RSPO2: variants seen among roughly 807,000 people sequenced by gnomAD.
RSPO2 encodes the protein R-spondin 2.
Under a neutral mutation model 30.9 loss-of-function variants are expected in RSPO2, and 14 were observed. The ratio of observed to expected loss-of-function variants is 0.45; its 90% CI spans 0.30 to 0.71. RSPO2 has a LOEUF of 0.71. Among genes scored for constraint, RSPO2 ranks in the 30% least tolerant of loss-of-function variants. RSPO2 has a pLI of 0.08. For synonymous variants in RSPO2, 107 were observed against 96.4 expected (o/e 1.11, Z -0.64); for missense variants, 264 against 301.9 (o/e 0.87, Z 0.93).
At chr8:107,949,118 A>T (rs673355) in intron 5 of RSPO2, among the ~76,000 whole-genome samples, 1 of 151,634 alleles carries the variant, frequency 6.6e-6, no homozygotes, top group East Asian at 2.0e-4. Flanking sequence ...CTGTCACCCA[A>T]GAAGTGTACA....
chr8:108,042,011 A>G (rs1047000326), intron 2 of RSPO2, among the ~76,000 whole-genome samples: 20 of 152,214 alleles, frequency 1.3e-4, no homozygotes, highest in African/African-American at 4.6e-4. Context: ...AAGGACCTGT[A>G]GTTACAACAA....
At chr8:108,047,473 G>A (rs776167223) in intron 2 of RSPO2, among the ~76,000 whole-genome samples, 1 of 152,100 alleles carries the variant, frequency 6.6e-6, no homozygotes, top group African/African-American at 2.4e-5. Flanking sequence ...CAAAATTAAA[G>A]TTGTAGAAAG....
At chr8:108,047,480 A>G (rs1338002474) in intron 2 of RSPO2, among the ~76,000 whole-genome samples, 1 of 152,162 alleles carries the variant, frequency 6.6e-6, no homozygotes, top group African/African-American at 2.4e-5. Flanking sequence ...AAAGTTGTAG[A>G]AAGAGATGCT....
At chr8:107,916,519 A>G (rs899037664) in intron 5 of RSPO2, among the ~76,000 whole-genome samples, 11 of 152,228 alleles carry the variant, frequency 7.2e-5, no homozygotes, top group African/African-American at 2.7e-4. Context: ...AGTTTTACAT[A>G]CAAAGTGCAT....
intron 2 of RSPO2, among the ~76,000 whole-genome samples, chr8:108,054,146 T>A (rs921735948): frequency 6.6e-6 from 1 of 152,144 alleles, no homozygotes; most frequent in Non-Finnish European, 1.5e-5. Flanking sequence ...CCCTTTTGGA[T>A]CTTATGTTCA....
intron 5 of RSPO2, among the ~76,000 whole-genome samples, chr8:107,938,008 A>G (rs753031090): frequency 3.2e-4 from 48 of 152,230 alleles, no homozygotes; most frequent in Non-Finnish European, 6.3e-4. Flanking sequence ...ATATCCTTGA[A>G]ATGAAATTGC....
intron 2 of RSPO2, among the ~76,000 whole-genome samples, chr8:108,044,075 C>T (rs1811837187): frequency 6.6e-6 from 1 of 151,174 alleles, no homozygotes; most frequent in African/African-American, 2.4e-5. Context: ...CCATGAAAAG[C>T]TTATTAGGTC....
intron 5 of RSPO2, among the ~76,000 whole-genome samples, chr8:107,916,637 A>C (rs955863510): frequency 6.6e-6 from 1 of 152,218 alleles, no homozygotes; most frequent in African/African-American, 2.4e-5. Flanking sequence ...AGAGTAACAG[A>C]GTAATGGGAC....
chr8:107,936,061 T>C (rs1422552337), intron 5 of RSPO2, among the ~76,000 whole-genome samples: 6 of 152,164 alleles, frequency 3.9e-5, no homozygotes, highest in African/African-American at 1.2e-4. Context: ...TACCTATGTA[T>C]ATTTTTATAC....
chr8:108,066,062 G>GA (rs1190994965), intron 2 of RSPO2, among the ~76,000 whole-genome samples: 1 of 151,956 alleles, frequency 6.6e-6, no homozygotes. Context: ...AAAAGAAAAA[G>GA]AAAAAGAAAA....
intron 2 of RSPO2, among the ~76,000 whole-genome samples, chr8:108,075,651 T>C (rs563593803): frequency 4.6e-5 from 7 of 150,992 alleles, no homozygotes; most frequent in East Asian, 1.9e-4. Context: ...TCAGAATGAG[T>C]ACTGGGCTGG....
chr8:107,942,526 G>C (rs1430314094), intron 5 of RSPO2, among the ~76,000 whole-genome samples: 1 of 152,120 alleles, frequency 6.6e-6, no homozygotes, highest in Non-Finnish European at 1.5e-5. Context: ...TTTGTAGCCT[G>C]AAATAGCACT....
chr8:107,915,303 G>C (rs1243230519), intron 5 of RSPO2, among the ~76,000 whole-genome samples: 3 of 152,116 alleles, frequency 2.0e-5, no homozygotes, highest in Non-Finnish European at 4.4e-5. Flanking sequence ...GGAATCTGTA[G>C]CTCTATTTTG....
intron 2 of RSPO2, among the ~76,000 whole-genome samples, chr8:108,080,837 A>G (rs1813170735): frequency 1.3e-5 from 2 of 152,194 alleles, no homozygotes; most frequent in African/African-American, 4.8e-5. Flanking sequence ...TTCTAAGTAG[A>G]CTGCAGCTTT....
chr8:108,037,217 A>G (rs1420853546), intron 2 of RSPO2, among the ~76,000 whole-genome samples: 1 of 152,264 alleles, frequency 6.6e-6, no homozygotes, highest in Non-Finnish European at 1.5e-5. Context: ...CTTGAAGAAC[A>G]TTAAAAGTGC....
chr8:107,966,914 G>A (rs899968126), intron 3 of RSPO2, among the ~76,000 whole-genome samples: 5 of 152,136 alleles, frequency 3.3e-5, no homozygotes, highest in Non-Finnish European at 7.4e-5. Flanking sequence ...ACACCCCTGG[G>A]AATCTATGTT....
intron 2 of RSPO2, among the ~76,000 whole-genome samples, chr8:108,012,903 A>C (rs953614425): frequency 2.0e-5 from 3 of 152,214 alleles, no homozygotes; most frequent in Non-Finnish European, 1.5e-5. Context: ...ATTTACTCTA[A>C]ATTTACAACC....
intron 3 of RSPO2, among the ~76,000 whole-genome samples, chr8:107,979,105 T>C (rs1254625014): frequency 6.6e-6 from 1 of 152,198 alleles, no homozygotes; most frequent in Non-Finnish European, 1.5e-5. Context: ...AGTTCAACCA[T>C]TGTGGAAGTC....
chr8:108,014,926 G>T (rs569636974), intron 2 of RSPO2, among the ~76,000 whole-genome samples: 12 of 151,384 alleles, frequency 7.9e-5, no homozygotes, highest in Admixed American at 2.0e-4. Context: ...AAAGAACACT[G>T]CAGAAAAGCA....
Sources: allele counts gnomAD v4.1 joint callset (sites outside exome capture counted in the v4.1 genomes callset), GRCh38; gene constraint gnomAD v4.1.1; transcripts MANE v1.5; gene names NCBI Gene and HGNC (gene_info 2026-07-23, HGNC 2026-07-21).